SYT1: variants seen among roughly 807,000 people sequenced by gnomAD.
SYT1 encodes the protein synaptotagmin-1.
A neutral mutation model predicts 44.8 loss-of-function variants in SYT1; 8 were observed. The observed-to-expected ratio is 0.18, with a 90% CI of 0.10 to 0.32. The LOEUF (loss-of-function observed/expected upper bound fraction) is 0.32, where lower values mean the gene tolerates loss of function less well. Among genes scored for constraint, SYT1 ranks in the 10% least tolerant of loss-of-function variants. The pLI, the probability that SYT1 is intolerant of heterozygous loss-of-function variation, is 1.00. For missense variants in SYT1, 286 were observed against 509.3 expected (o/e 0.56, Z 4.22); for synonymous variants, 154 against 188.8 (o/e 0.82, Z 1.51).
At chr12:79,003,705 C>T (rs921372948) in intron 2 of SYT1, among the ~76,000 whole-genome samples, 41 of 151,866 alleles carry the variant, frequency 2.7e-4, no homozygotes, top group Admixed American at 1.3e-3. Flanking sequence ...ATACTTGACA[C>T]GTTGATGATG....
At chr12:79,267,120 A>C (rs1878177431) in intron 4 of SYT1, among the ~76,000 whole-genome samples, 1 of 152,200 alleles carries the variant, frequency 6.6e-6, no homozygotes, top group Non-Finnish European at 1.5e-5. Context: ...AAATCCTTCC[A>C]AAAAACAAGT....
intron 8 of SYT1, among the ~76,000 whole-genome samples, chr12:79,343,384 A>T (rs1051344014): frequency 6.6e-6 from 1 of 152,198 alleles, no homozygotes; most frequent in Non-Finnish European, 1.5e-5. Context: ...CACACAGTAC[A>T]TTTTGTGAGC....
intron 3 of SYT1, among the ~76,000 whole-genome samples, chr12:79,111,729 C>G (rs1177221653): frequency 6.6e-6 from 1 of 150,820 alleles, no homozygotes; most frequent in African/African-American, 2.4e-5. Context: ...TCTAGATTCA[C>G]AAATCCTGCA....
At position 79,365,834 on chromosome 12, in the gene SYT1, G is replaced by GAAAAAAAAAAA. The variant is rs57702061; in HGVS notation, c.928+12221_928+12231dup. On this transcript the variant is annotated intron_variant, in intron 9 of 10. Transcript: ENST00000261205. ...CCTAGACTGATTGCAAAGAGTACCA[G>GAAAAAAAAAAA]AAAAAAAAAAAAAAAAGCAGGTCAT... Among the ~76,000 whole-genome samples the GAAAAAAAAAAA allele has an allele frequency of 7.6e-4, 79 of 103,998 alleles. 2 individuals are homozygous for GAAAAAAAAAAA. The highest frequency in any genetic ancestry group is 5.7e-3 in the Middle Eastern group (1 of 176). 68.2% of individuals were successfully genotyped at this position (103,998 alleles called of 152,430 possible). A position where few individuals can be genotyped will look rare whatever the true frequency, so the allele number is the denominator to read the frequency against.
chr12:79,239,793 T>G (rs1253322612), intron 4 of SYT1, among the ~76,000 whole-genome samples: 2 of 152,122 alleles, frequency 1.3e-5, no homozygotes, highest in Non-Finnish European at 2.9e-5. Context: ...TTTTCCAAGC[T>G]CTTTCAGACT....
chr12:78,867,781 C>G (rs1284771103), intron 1 of SYT1, among the ~76,000 whole-genome samples: 1 of 151,820 alleles, frequency 6.6e-6, no homozygotes, highest in Non-Finnish European at 1.5e-5. Context: ...TCAGATAGTT[C>G]TAATCAACAA....
At chr12:79,263,212 G>C (rs1400777326) in intron 4 of SYT1, among the ~76,000 whole-genome samples, 2 of 151,822 alleles carry the variant, frequency 1.3e-5, no homozygotes, top group Non-Finnish European at 2.9e-5. Flanking sequence ...TTTTCAATAG[G>C]AGATAGCACA....
chr12:79,434,059 C>T (rs1413067723), intron 9 of SYT1, among the ~76,000 whole-genome samples: 1 of 152,184 alleles, frequency 6.6e-6, no homozygotes, highest in Non-Finnish European at 1.5e-5. Context: ...GTTTCCCCCA[C>T]CACTAAGAAA....
At chr12:78,974,444 C>A (rs1216225000) in intron 1 of SYT1, among the ~76,000 whole-genome samples, 1 of 151,692 alleles carries the variant, frequency 6.6e-6, no homozygotes, top group Non-Finnish European at 1.5e-5. Flanking sequence ...ATTTATTTAT[C>A]TATTTATTTT....
rs181064645 is a variant in SYT1 at position 79,030,974 on chromosome 12, G to A, written c.-83-16323G>A. On this transcript the variant is annotated intron_variant, in intron 2 of 10. Coordinates refer to ENST00000261205, the MANE Select transcript of SYT1 (RefSeq NM_005639.3). ...ATTCTCCAATCCTTACCTCCAATGCGTACTCACTCCCAACAACCACTATCT... is the reference window on the plus strand; with the variant it reads ...ATTCTCCAATCCTTACCTCCAATGCATACTCACTCCCAACAACCACTATCT... Among the ~76,000 whole-genome samples the A allele has an allele frequency of 1.1e-4, 16 of 150,956 alleles. 1 individual carries two copies. Among genetic ancestry groups the A allele is most frequent in the South Asian group, 6.2e-4 (3 of 4,816 alleles).
At chr12:79,044,332 A>G (rs1268893397) in intron 2 of SYT1, among the ~76,000 whole-genome samples, 2 of 151,954 alleles carry the variant, frequency 1.3e-5, no homozygotes, top group African/African-American at 4.8e-5. Context: ...ATTTCTTTTT[A>G]TTCTTTTTTC....
chr12:79,337,652 C>A (rs1882155016), intron 8 of SYT1, among the ~76,000 whole-genome samples: 1 of 152,020 alleles, frequency 6.6e-6, no homozygotes, highest in African/African-American at 2.4e-5. Context: ...AAAGATTATG[C>A]TTCTCAGAGT....
chr12:79,319,425 G>A (rs1881252250), intron 8 of SYT1, among the ~76,000 whole-genome samples: 1 of 152,126 alleles, frequency 6.6e-6, no homozygotes, highest in Non-Finnish European at 1.5e-5. Context: ...AGCTAATAAT[G>A]GAAGGGCTGA....
intron 2 of SYT1, among the ~76,000 whole-genome samples, chr12:78,998,413 TTGCTTTGTTCAGGGATC>T (rs1870516460): frequency 6.6e-6 from 1 of 152,172 alleles, no homozygotes; most frequent in South Asian, 2.1e-4. Context: ...GCAATGCTGC[TTGCTTTGTTCAGGGATC>T]TGGATTATGA....
At chr12:78,999,384 G>A (rs568199343) in intron 2 of SYT1, among the ~76,000 whole-genome samples, 20 of 152,200 alleles carry the variant, frequency 1.3e-4, no homozygotes, top group African/African-American at 4.6e-4. Context: ...GATCTTTGAC[G>A]TATTTTTCTA....
chr12:79,208,856 G>T (rs745861286), intron 3 of SYT1, among the ~76,000 whole-genome samples: 4 of 152,062 alleles, frequency 2.6e-5, no homozygotes, highest in African/African-American at 4.8e-5. Context: ...TATTCAATTT[G>T]CAAAAGCACT....
chr12:79,068,779 C>T (rs1371484308), intron 3 of SYT1, among the ~76,000 whole-genome samples: 3 of 152,114 alleles, frequency 2.0e-5, no homozygotes, highest in East Asian at 1.9e-4. Context: ...TTTGGGAGGC[C>T]GAGCCAGGAG....
chr12:79,249,928 C>T (rs1024065278), intron 4 of SYT1, among the ~76,000 whole-genome samples: 7 of 152,002 alleles, frequency 4.6e-5, no homozygotes, highest in Non-Finnish European at 8.8e-5. Context: ...GCTAGAACTC[C>T]TTAAAGTCCC....
At chr12:79,026,667 TTA>T (rs3064320) in intron 2 of SYT1, among the ~76,000 whole-genome samples, 25,308 of 101,770 alleles carry the variant, frequency 0.25, 2,623 homozygotes, top group African/African-American at 0.3. Flanking sequence ...CATATATATT[TTA>T]TATATATATA....
Sources: gnomAD v4.1 joint callset for allele counts (sites outside exome capture counted in the v4.1 genomes callset) on GRCh38, gnomAD v4.1.1 for gene constraint, MANE v1.5 for transcripts, NCBI Gene and HGNC (gene_info 2026-07-23, HGNC 2026-07-21) for gene names.